The following CLEC19A variants were observed in gnomAD, a reference collection of about 807,000 sequenced individuals.
CLEC19A encodes the protein C-type lectin domain containing 19A, also known as C-type lectin domain family 19 member A.
A neutral mutation model predicts 26.1 loss-of-function variants in CLEC19A; 21 were observed. The observed-to-expected ratio is 0.80, with a 90% CI of 0.57 to 1.16. The LOEUF (loss-of-function observed/expected upper bound fraction) is 1.16. CLEC19A is among the 50% of genes most tolerant of loss of function. The pLI is 0.00. For synonymous variants in CLEC19A, 89 were observed against 88.6 expected (o/e 1.00, Z -0.03); for missense variants, 224 against 227.6 (o/e 0.98, Z 0.10).
chr16:19,295,382 T>A (rs1367171290), intron 1 of CLEC19A, among the ~76,000 whole-genome samples: 1 of 152,082 alleles, frequency 6.6e-6, no homozygotes, highest in East Asian at 1.9e-4. Context: ...TTTGTATTTT[T>A]TATAGAGATG....
intron 1 of CLEC19A, among the ~76,000 whole-genome samples, chr16:19,298,259 A>AT (rs56127689): frequency 2.7e-5 from 4 of 150,404 alleles, no homozygotes; most frequent in African/African-American, 9.8e-5. Context: ...AAAAAAAAAA[A>AT]GTATGTACAG....
intron 3 of CLEC19A, 107 bp from the exon 4 acceptor site, chr16:19,307,438 G>A: frequency 8.2e-7 from 1 of 1,224,450 alleles, no homozygotes; most frequent in Non-Finnish European, 1.1e-6. Context: ...CTGTGCAGAG[G>A]TGTTAGAAAT....
At chr16:19,304,390 T>C in intron 3 of CLEC19A, 1 of 286,958 alleles carries the variant, frequency 3.5e-6, no homozygotes, top group Non-Finnish European at 6.0e-6. Flanking sequence ...TTGGCTTGGG[T>C]TCTCTTAAAA....
intron 2 of CLEC19A, among the ~76,000 whole-genome samples, chr16:19,301,500 G>T (rs1436268068): frequency 3.3e-5 from 5 of 152,142 alleles, no homozygotes; most frequent in Non-Finnish European, 7.3e-5. Flanking sequence ...GCACAATCTT[G>T]ACCAAATCAC....
intron 3 of CLEC19A, 132 bp from the exon 4 acceptor site, chr16:19,307,413 C>G: frequency 2.1e-6 from 2 of 940,996 alleles, no homozygotes; most frequent in Non-Finnish European, 3.1e-6. Context: ...ATAGCAGTAG[C>G]CTCAATGAAG....
In CLEC19A at chr16:19,301,887, G is replaced by A. The variant is rs535728245; in HGVS notation, c.255-2175G>A. 8.4e-4 allele frequency among the ~76,000 whole-genome samples: 128 copies of A among 151,668 alleles called. 1 individual carries two copies. The highest frequency in any genetic ancestry group is 2.9e-3 in the African/African-American group (119 of 41,354). On this transcript the variant is annotated intron_variant, in intron 2 of 4. Coordinates refer to ENST00000636231, the MANE Select transcript of CLEC19A (RefSeq NM_001256720.2). ...ATTATAGGCATGAGCCACCGCGCCC[G>A]GCCTCACACTGATCTTTTAAACTTG...
At chr16:19,301,744 T>TTTTG (rs1567255446) in intron 2 of CLEC19A, among the ~76,000 whole-genome samples, 18 of 99,558 alleles carry the variant, frequency 1.8e-4, no homozygotes, top group African/African-American at 7.5e-4. Context: ...TGGTTTTTTT[T>TTTTG]TTTTTTTTTT....
At chr16:19,298,552 C>A (rs905087217) in intron 1 of CLEC19A, 121 bp from the exon 2 acceptor site, 6 of 1,055,888 alleles carry the variant, frequency 5.7e-6, no homozygotes, top group Non-Finnish European at 8.0e-6. Flanking sequence ...GGCAACAGAA[C>A]GAGACCCTGT....
At chr16:19,294,517 G>A (rs190405065) in intron 1 of CLEC19A, among the ~76,000 whole-genome samples, 1 of 152,308 alleles carries the variant, frequency 6.6e-6, no homozygotes, top group African/African-American at 2.4e-5. Flanking sequence ...AACTCATGAA[G>A]AGTTTCATCT....
chr16:19,290,864 GGTCTTGCTCT>G (rs1897569843), intron 1 of CLEC19A, among the ~76,000 whole-genome samples: 1 of 151,940 alleles, frequency 6.6e-6, no homozygotes, highest in Admixed American at 6.6e-5. Context: ...TTAGAGACAA[GGTCTTGCTCT>G]GTTGCCCAGG....
At chr16:19,295,312 C>T (rs1032740360) in intron 1 of CLEC19A, among the ~76,000 whole-genome samples, 40 of 151,994 alleles carry the variant, frequency 2.6e-4, no homozygotes, top group African/African-American at 9.2e-4. Flanking sequence ...CATACTCAAT[C>T]GATCCTCCCA....
chr16:19,299,343 T>C (rs1004084815), intron 2 of CLEC19A, among the ~76,000 whole-genome samples: 4 of 152,204 alleles, frequency 2.6e-5, no homozygotes, highest in African/African-American at 7.2e-5. Flanking sequence ...TCAAACCATA[T>C]TACATAGGTA....
chr16:19,292,710 A>G (rs902926396), intron 1 of CLEC19A, among the ~76,000 whole-genome samples: 5 of 152,226 alleles, frequency 3.3e-5, no homozygotes, highest in Non-Finnish European at 7.3e-5. Context: ...TTCCCTGAAT[A>G]AGTCACTGCA....
At chr16:19,289,707 C>CT (rs1597078738) in intron 1 of CLEC19A, among the ~76,000 whole-genome samples, 1 of 152,198 alleles carries the variant, frequency 6.6e-6, no homozygotes, top group African/African-American at 2.4e-5. Context: ...TTGTCTAATG[C>CT]TTTTTTCTGT....
chr16:19,307,501 C>T lies in CLEC19A; in HGVS notation c.349-44C>T, dbSNP rs747300389. ...CTGCCTGGCTCAAATGCCTGATCTT[C>T]TTCTTGGCTTGCTTCTTTGTCTCTT... On this transcript the variant is annotated intron_variant, in intron 3 of 4. Coordinates refer to ENST00000636231, the MANE Select transcript of CLEC19A (RefSeq NM_001256720.2). 2.7e-4 allele frequency: 424 copies of T among 1,544,420 alleles called. No individual in the cohort carries two copies. The Middle Eastern group carries it at 3.7e-3, about 13-fold the overall frequency.
Position 19,285,788 on chromosome 16 carries a change from A to G in CLEC19A, c.-64A>G. Reference sequence around the variant, plus strand: ...ACCCTAGGAGAGCAATCCTGGACCCAAGCTCCAGCCAAAAAGCCTCTCTCC... The same window carrying G: ...ACCCTAGGAGAGCAATCCTGGACCCGAGCTCCAGCCAAAAAGCCTCTCTCC... On this transcript the variant is annotated 5_prime_UTR_variant, in exon 1 of 5. Coordinates refer to ENST00000636231, the MANE Select transcript of CLEC19A (RefSeq NM_001256720.2). 6.9e-7 allele frequency: 1 copy of G among 1,445,864 alleles called. No individual in the cohort carries two copies. The highest frequency in any genetic ancestry group is 9.5e-7 in the Non-Finnish European group (1 of 1,054,022). 89.6% of individuals were successfully genotyped at this position (1,445,864 alleles called of 1,614,324 possible). A position where few individuals can be genotyped will look rare whatever the true frequency, so the allele number is the denominator to read the frequency against.
At chr16:19,292,471 T>C (rs371842871) in intron 1 of CLEC19A, among the ~76,000 whole-genome samples, 3 of 152,240 alleles carry the variant, frequency 2.0e-5, no homozygotes, top group Non-Finnish European at 4.4e-5. Flanking sequence ...GCATGAGTTA[T>C]GCACACAGCC....
At chr16:19,303,537 G>A (rs1897879269) in intron 2 of CLEC19A, among the ~76,000 whole-genome samples, 1 of 152,158 alleles carries the variant, frequency 6.6e-6, no homozygotes, top group Admixed American at 6.5e-5. Flanking sequence ...TGTTAACTGA[G>A]GGACTTCGTT....
intron 1 of CLEC19A, among the ~76,000 whole-genome samples, chr16:19,298,131 A>G (rs865865456): frequency 2.0e-5 from 3 of 151,654 alleles, no homozygotes; most frequent in Non-Finnish European, 4.4e-5. Flanking sequence ...TATCCCAGCT[A>G]CTTGGCAGGC....
Sources: gnomAD v4.1 joint callset for allele counts (sites outside exome capture counted in the v4.1 genomes callset) on GRCh38, gnomAD v4.1.1 for gene constraint, MANE v1.5 for transcripts, NCBI Gene and HGNC (gene_info 2026-07-23, HGNC 2026-07-21) for gene names.